CYP2C19: variants seen among roughly 807,000 people sequenced by gnomAD.
CYP2C19 encodes cytochrome P450 family 2 subfamily C member 19.
CYP2C19 carries 59 observed loss-of-function variants against 40.9 expected under a neutral mutation model. The observed-to-expected ratio is 1.44, with a 90% confidence interval of 1.17 to 1.79. The LOEUF (loss-of-function observed/expected upper bound fraction) is 1.79. Among genes scored for constraint, CYP2C19 ranks in the 40% most tolerant of loss-of-function variants. CYP2C19 has a pLI of 0.00. For missense variants in CYP2C19, 754 were observed against 596.9 expected (o/e 1.26, Z -2.74); for synonymous variants, 253 against 208.7 (o/e 1.21, Z -1.83).
chr10:94,771,114 G>A lies in CYP2C19; in HGVS notation c.169-3944G>A, dbSNP rs116908887. ...CAGGATCATCTGGAAACTTCCCCAG[G>A]TCTGCCTTGATCTGCTGTAAATCAG... On this transcript the variant is annotated intron_variant, in intron 1 of 8. Transcript: ENST00000371321. Among the ~76,000 whole-genome samples, 388 of 152,190 alleles carry A rather than the reference G, an allele frequency of 2.5e-3. 13 individuals carry two copies. In the East Asian group the frequency reaches 0.061, roughly 24 times the overall value.
intron 8 of CYP2C19, among the ~76,000 whole-genome samples, chr10:94,851,133 C>T (rs1449585045): frequency 6.6e-6 from 1 of 152,102 alleles, no homozygotes; most frequent in Non-Finnish European, 1.5e-5. Context: ...GGTTATTTGA[C>T]TCACAGTTCC....
intron 6 of CYP2C19, among the ~76,000 whole-genome samples, chr10:94,826,031 A>C (rs1849214674): frequency 6.7e-6 from 1 of 150,098 alleles, no homozygotes; most frequent in Non-Finnish European, 1.5e-5. Context: ...CTGTTTTGGT[A>C]CCAGTACCAT....
At chr10:94,851,229 C>T (rs1476221878) in intron 8 of CYP2C19, among the ~76,000 whole-genome samples, 2 of 151,992 alleles carry the variant, frequency 1.3e-5, no homozygotes, top group African/African-American at 2.4e-5. Context: ...CATATATTTT[C>T]ATGGAAGAGC....
chr10:94,825,467 G>A (rs1849202501), intron 6 of CYP2C19, among the ~76,000 whole-genome samples: 1 of 149,426 alleles, frequency 6.7e-6, no homozygotes, highest in South Asian at 2.1e-4. Flanking sequence ...TTTGAGAAGT[G>A]TCTGTTCATG....
At chr10:94,783,196 T>C (rs1292561233) in intron 5 of CYP2C19, among the ~76,000 whole-genome samples, 1 of 152,004 alleles carries the variant, frequency 6.6e-6, no homozygotes, top group Non-Finnish European at 1.5e-5. Flanking sequence ...AGTTAGAAAA[T>C]ATAAAATATT....
intron 6 of CYP2C19, among the ~76,000 whole-genome samples, chr10:94,837,626 C>T (rs1379367909): frequency 2.0e-5 from 3 of 152,124 alleles, no homozygotes; most frequent in Non-Finnish European, 4.4e-5. Context: ...ACTGGCTGTC[C>T]TAGGACCCCT....
At chr10:94,809,122 C>T (rs1848877800) in intron 5 of CYP2C19, among the ~76,000 whole-genome samples, 1 of 152,160 alleles carries the variant, frequency 6.6e-6, no homozygotes, top group Non-Finnish European at 1.5e-5. Context: ...TGGATATAAG[C>T]CACTTTAACT....
intron 5 of CYP2C19, among the ~76,000 whole-genome samples, chr10:94,796,464 A>T (rs779725375): frequency 1.3e-5 from 2 of 152,090 alleles, no homozygotes; most frequent in Non-Finnish European, 2.9e-5. Context: ...CTTAGGATTG[A>T]CTTGGCAATG....
intron 5 of CYP2C19, among the ~76,000 whole-genome samples, chr10:94,817,570 G>T (rs1288718869): frequency 2.8e-5 from 4 of 145,164 alleles, no homozygotes; most frequent in African/African-American, 7.7e-5. Flanking sequence ...CTGTGCAGAA[G>T]CTCTTTAGTT....
chr10:94,789,024 T>A (rs907886066), intron 5 of CYP2C19, among the ~76,000 whole-genome samples: 8 of 152,186 alleles, frequency 5.3e-5, no homozygotes, highest in Non-Finnish European at 1.2e-4. Context: ...TCCTGACTTT[T>A]AATGTTCGCC....
At chr10:94,846,715 T>G in intron 7 of CYP2C19, among the ~76,000 whole-genome samples, 1 of 151,914 alleles carries the variant, frequency 6.6e-6, no homozygotes, top group Non-Finnish European at 1.5e-5. Context: ...TACTTTAAGT[T>G]TTAGGGTACA....
intron 5 of CYP2C19, among the ~76,000 whole-genome samples, chr10:94,784,889 T>A (rs1439647864): frequency 6.6e-6 from 1 of 152,078 alleles, no homozygotes. Flanking sequence ...CATGCCCAGC[T>A]CTCATTGTGG....
At chr10:94,777,589 G>C (rs774616870) in intron 3 of CYP2C19, among the ~76,000 whole-genome samples, 7 of 152,142 alleles carry the variant, frequency 4.6e-5, no homozygotes, top group African/African-American at 7.2e-5. Flanking sequence ...TGGACAAACT[G>C]TCTAGCCATA....
At chr10:94,809,790 G>A in intron 5 of CYP2C19, among the ~76,000 whole-genome samples, 1 of 152,034 alleles carries the variant, frequency 6.6e-6, no homozygotes, top group East Asian at 1.9e-4. Context: ...GTTGAATTTT[G>A]TCAAAGGCCT....
chr10:94,822,538 G>C (rs1849140821), intron 6 of CYP2C19, among the ~76,000 whole-genome samples: 2 of 152,232 alleles, frequency 1.3e-5, no homozygotes, highest in Non-Finnish European at 2.9e-5. Context: ...TGAACATATT[G>C]GTGTGTGTGT....
At chr10:94,780,780 A>G (rs1420001156) in intron 4 of CYP2C19, 121 bp downstream of exon 4, 9 of 1,072,010 alleles carry the variant, frequency 8.4e-6, no homozygotes, top group African/African-American at 1.6e-5. Context: ...TTGCCTAGAC[A>G]GCCATGGGGT....
At chr10:94,842,770 C>A (rs1043507536) in intron 6 of CYP2C19, 67 bp from the exon 7 acceptor site, 3 of 1,519,548 alleles carry the variant, frequency 2.0e-6, no homozygotes, top group Non-Finnish European at 1.8e-6. Context: ...TTCATGTACC[C>A]CTGAATTGCT....
chr10:94,786,581 G>T (rs1848543603), intron 5 of CYP2C19, among the ~76,000 whole-genome samples: 1 of 152,016 alleles, frequency 6.6e-6, no homozygotes, highest in African/African-American at 2.4e-5. Context: ...GTTCAAGTTT[G>T]TTACATGGGT....
At chr10:94,800,891 T>C (rs1166405754) in intron 5 of CYP2C19, among the ~76,000 whole-genome samples, 1 of 152,186 alleles carries the variant, frequency 6.6e-6, no homozygotes, top group Non-Finnish European at 1.5e-5. Flanking sequence ...AGTATTTGAG[T>C]GAGAGTGTCC....
Sources: allele counts gnomAD v4.1 joint callset (sites outside exome capture counted in the v4.1 genomes callset), GRCh38; gene constraint gnomAD v4.1.1; transcripts MANE v1.5; gene names NCBI Gene and HGNC (gene_info 2026-07-23, HGNC 2026-07-21).